The following MRTFA variants were observed in gnomAD, a reference collection of about 807,000 sequenced individuals.
MRTFA encodes the protein myocardin-related transcription factor A.
A neutral mutation model predicts 83.5 loss-of-function variants in MRTFA; 20 were observed. That is an observed-to-expected ratio of 0.24 (90% CI 0.17 to 0.35). The LOEUF (loss-of-function observed/expected upper bound fraction) is 0.35, where lower values mean the gene tolerates loss of function less well. Ranked by LOEUF, MRTFA falls within the 10% of genes least tolerant of loss-of-function variation. The pLI, the probability that MRTFA is intolerant of heterozygous loss-of-function variation, is 1.00. For synonymous variants in MRTFA, 659 were observed against 541.2 expected (o/e 1.22, Z -3.02); for missense variants, 1,200 against 1,224.7 (o/e 0.98, Z 0.30).
intron 3 of MRTFA, among the ~76,000 whole-genome samples, chr22:40,534,100 C>T (rs1240661992): frequency 6.6e-6 from 1 of 152,206 alleles, no homozygotes; most frequent in Non-Finnish European, 1.5e-5. Flanking sequence ...ATGAAAGAAG[C>T]AGTCCAATTA....
In MRTFA at chr22:40,411,614, G is replaced by T; in HGVS notation, c.2872C>A (p.Pro958Thr). 6.2e-7 allele frequency: 1 copy of T among 1,613,764 alleles called. No individual in the cohort carries two copies. The change falls in exon 15 of 15, where the codon CCG becomes ACG. Residue 958 changes from proline to threonine, a missense_variant. Around this residue, in one of 2 missense-constraint regions of MRTFA, gnomAD observed 1,107 missense variants for 1,041.8 expected, o/e 1.06. Transcript: ENST00000355630. ...AATTCCGAGGTGTCCATGGGTGACG[G>T]GGGGTGGTCCAGGATGGCAGTGCTG...
intron 3 of MRTFA, among the ~76,000 whole-genome samples, chr22:40,471,219 TAAAAAAAAAAAAAA>T (rs61206773): frequency 5.2e-4 from 22 of 42,692 alleles, no homozygotes; most frequent in African/African-American, 2.0e-3. Context: ...CTGTTTCTAT[TAAAAAAAAAAAAAA>T]AAAAAAAAAA....
chr22:40,544,513 C>A (rs901726593), intron 3 of MRTFA, among the ~76,000 whole-genome samples: 1 of 152,160 alleles, frequency 6.6e-6, no homozygotes, highest in East Asian at 1.9e-4. Context: ...AGGCATGAGA[C>A]ACTACACCCA....
intron 3 of MRTFA, among the ~76,000 whole-genome samples, chr22:40,538,477 C>T (rs932851551): frequency 1.7e-4 from 25 of 150,194 alleles, no homozygotes; most frequent in Admixed American, 4.0e-4. Context: ...GACCTTTGTT[C>T]ACTTGTTTAT....
chr22:40,459,843 A>G (rs1331253710), intron 4 of MRTFA, among the ~76,000 whole-genome samples: 1 of 137,848 alleles, frequency 7.3e-6, no homozygotes, highest in Admixed American at 7.2e-5. Flanking sequence ...ATATATATAT[A>G]TATATATATA....
At chr22:40,612,231 A>G (rs1181769187) in intron 1 of MRTFA, among the ~76,000 whole-genome samples, 2 of 152,266 alleles carry the variant, frequency 1.3e-5, no homozygotes, top group Non-Finnish European at 2.9e-5. Flanking sequence ...GATCTCATGC[A>G]TACTCAAGAG....
chr22:40,535,838 G>A (rs2055162418), intron 3 of MRTFA, among the ~76,000 whole-genome samples: 1 of 152,116 alleles, frequency 6.6e-6, no homozygotes, highest in Non-Finnish European at 1.5e-5. Context: ...AGCATGTAAT[G>A]CCACAGTGTC....
rs192801826 is a variant in MRTFA, at chr22:40,540,072, G to A, written c.241+12034C>T. ...CTGCAGGTACATGCCACCATACTCA[G>A]CTAATATTTAAAATTTCTGTAGAGA... On this transcript the variant is annotated intron_variant, in intron 3 of 14. Transcript: ENST00000355630. 4.1e-3 allele frequency among the ~76,000 whole-genome samples: 617 copies of A among 151,844 alleles called. 20 individuals carry two copies. Among genetic ancestry groups the A allele is most frequent in the Admixed American group, 0.037 (567 of 15,252 alleles).
rs199656411 is a variant in MRTFA, at chr22:40,417,321, G to T, written c.2517+20C>A. ...TAGGGCAGCTGCCAACACTAGCCAG[G>T]CCTAGCCCGCCTTCCTCACCTGCTG... On this transcript the variant is annotated intron_variant, in intron 13 of 14. Transcript: ENST00000355630. The T allele has an allele frequency of 3.1e-4, 498 of 1,606,940 alleles. No homozygotes were observed. The highest frequency in any genetic ancestry group is 4.0e-4 in the Non-Finnish European group (470 of 1,177,642).
intron 3 of MRTFA, among the ~76,000 whole-genome samples, chr22:40,464,330 A>AC (rs1266705914): frequency 1.3e-5 from 2 of 150,822 alleles, no homozygotes; most frequent in Non-Finnish European, 3.0e-5. Context: ...AAAAAAAAAA[A>AC]AACAACTATC....
intron 4 of MRTFA, among the ~76,000 whole-genome samples, chr22:40,444,241 C>T (rs914507405): frequency 6.6e-6 from 1 of 152,020 alleles, no homozygotes; most frequent in African/African-American, 2.4e-5. Flanking sequence ...AATAGAAATA[C>T]CTAATCTGAA....
chr22:40,589,199 A>G (rs537750978), intron 2 of MRTFA, among the ~76,000 whole-genome samples: 1 of 152,192 alleles, frequency 6.6e-6, no homozygotes, highest in African/African-American at 2.4e-5. Context: ...TACAGCAGGA[A>G]TGTCTATGAT....
chr22:40,475,553 A>G (rs571618018), intron 3 of MRTFA, among the ~76,000 whole-genome samples: 1 of 152,158 alleles, frequency 6.6e-6, no homozygotes, highest in African/African-American at 2.4e-5. Flanking sequence ...AAAAGTGAAT[A>G]ATTACAATGT....
chr22:40,450,832 A>T (rs1315686160), intron 4 of MRTFA, among the ~76,000 whole-genome samples: 3 of 152,182 alleles, frequency 2.0e-5, no homozygotes, highest in Non-Finnish European at 4.4e-5. Context: ...AAAAATTCCA[A>T]TGTGGACAAG....
At chr22:40,468,947 A>T (rs1333000418) in intron 3 of MRTFA, among the ~76,000 whole-genome samples, 1 of 152,218 alleles carries the variant, frequency 6.6e-6, no homozygotes, top group Non-Finnish European at 1.5e-5. Context: ...CCTTCACACT[A>T]AAAACATTAA....
intron 1 of MRTFA, among the ~76,000 whole-genome samples, chr22:40,633,939 T>C (rs2147456946): frequency 6.6e-6 from 1 of 152,332 alleles, no homozygotes; most frequent in South Asian, 2.1e-4. Context: ...TTAACTTCTG[T>C]ATCCCTAAAT....
chr22:40,618,468 C>T (rs73169071), intron 1 of MRTFA, among the ~76,000 whole-genome samples: 15,247 of 151,640 alleles, frequency 0.1, 925 homozygotes, highest in East Asian at 0.25. Flanking sequence ...GTAAACCATG[C>T]GAAGGGAGAG....
chr22:40,585,259 T>C (rs560470953), intron 2 of MRTFA, among the ~76,000 whole-genome samples: 5 of 152,338 alleles, frequency 3.3e-5, no homozygotes, highest in South Asian at 2.1e-4. Context: ...TTAACTTGTA[T>C]GTAAAACATT....
intron 2 of MRTFA, among the ~76,000 whole-genome samples, chr22:40,577,666 G>A (rs557159670): frequency 6.8e-6 from 1 of 147,794 alleles, no homozygotes; most frequent in East Asian, 2.0e-4. Flanking sequence ...AGGCTGGAGT[G>A]CAATGGTGCG....
Sources: allele counts gnomAD v4.1 joint callset (sites outside exome capture counted in the v4.1 genomes callset), GRCh38; gene constraint gnomAD v4.1.1; regional missense constraint gnomAD v4.1.1; transcripts MANE v1.5; gene names NCBI Gene and HGNC (gene_info 2026-07-23, HGNC 2026-07-21).